The following MTMR10 variants were observed in gnomAD, a reference collection of about 807,000 sequenced individuals.
The protein encoded by MTMR10 is myotubularin related protein 10.
A neutral mutation model predicts 88.1 loss-of-function variants in MTMR10; 56 were observed. The ratio of observed to expected loss-of-function variants is 0.64; its 90% CI spans 0.51 to 0.79. The LOEUF (loss-of-function observed/expected upper bound fraction) is 0.79. Ranked by LOEUF, MTMR10 falls within the 30% of genes least tolerant of loss-of-function variation. The pLI is 0.00. For missense variants in MTMR10, 883 were observed against 924.7 expected, an observed-to-expected ratio of 0.95 and a Z score of 0.58; for synonymous variants, 380 against 340.9, an observed-to-expected ratio of 1.11 and a Z score of -1.26.
intron 6 of MTMR10, among the ~76,000 whole-genome samples, chr15:30,966,541 C>A (rs1045420503): frequency 6.6e-6 from 1 of 152,136 alleles, no homozygotes; most frequent in Non-Finnish European, 1.5e-5. Context: ...CTCCTACAAC[C>A]CTTGCAACTC....
chr15:30,943,804 C>T, intron 14 of MTMR10: 1 of 985,442 alleles, frequency 1.0e-6, no homozygotes, highest in Non-Finnish European at 1.2e-6. Flanking sequence ...CATGGAGCTC[C>T]TCTGGAAGGC....
the MTMR10 span, among the ~76,000 whole-genome samples, chr15:30,932,153 T>C: frequency 7.4e-6 from 1 of 135,878 alleles, no homozygotes; most frequent in African/African-American, 2.8e-5. Context: ...ACTCAGGAGG[T>C]GGAGCTTGCA....
chr15:30,951,815 T>G (rs746277342), intron 12 of MTMR10, among the ~76,000 whole-genome samples, 153 bp downstream of exon 12: 4 of 152,150 alleles, frequency 2.6e-5, no homozygotes, highest in Non-Finnish European at 4.4e-5. Context: ...ACTGTTTTAC[T>G]CAAATGATGT....
the MTMR10 span, among the ~76,000 whole-genome samples, chr15:30,919,074 T>C: frequency 3.3e-5 from 5 of 152,198 alleles, no homozygotes; most frequent in Non-Finnish European, 5.9e-5. Flanking sequence ...GGGAAAAGAA[T>C]ATGTTATTAA....
At chr15:30,966,217 T>C (rs1218561182) in intron 6 of MTMR10, among the ~76,000 whole-genome samples, 1 of 152,182 alleles carries the variant, frequency 6.6e-6, no homozygotes, top group Non-Finnish European at 1.5e-5. Context: ...ATAAGCTATA[T>C]AAGAAGAAAT....
the MTMR10 span, chr15:30,926,862 T>C: frequency 1.0e-6 from 1 of 985,384 alleles, no homozygotes. Flanking sequence ...TTAAAATCGA[T>C]GCCGTGAAAC....
the MTMR10 span, chr15:30,928,506 TTGTGTGTGTGTGTGTG>T: frequency 2.0e-6 from 3 of 1,484,518 alleles, no homozygotes; most frequent in African/African-American, 1.5e-5. Flanking sequence ...AAAACAGATT[TTGTGTGTGTGTGTGTG>T]TGTGTGTGTG....
chr15:30,953,747 C>G, intron 10 of MTMR10, 116 bp from the exon 11 acceptor site: 1 of 651,820 alleles, frequency 1.5e-6, no homozygotes, highest in African/African-American at 1.8e-5. Flanking sequence ...AAATATCATG[C>G]ATTTTCACTT....
intron 14 of MTMR10, among the ~76,000 whole-genome samples, chr15:30,945,549 A>T (rs376764080): frequency 1.3e-5 from 2 of 151,590 alleles, no homozygotes; most frequent in East Asian, 3.9e-4. Context: ...GCAGGCTCAC[A>T]CTGTGTGCGC....
At chr15:30,929,238 C>T in the MTMR10 span, 1 of 1,613,456 alleles carries the variant, frequency 6.2e-7, no homozygotes, top group Non-Finnish European at 8.5e-7. Flanking sequence ...ACAGCTTCTT[C>T]ACAAGCAGAC....
intron 6 of MTMR10, among the ~76,000 whole-genome samples, chr15:30,963,034 G>A (rs145088597): frequency 3.3e-5 from 5 of 152,230 alleles, no homozygotes; most frequent in African/African-American, 9.6e-5. Flanking sequence ...GAAGAGAGGC[G>A]GGAAATCAAA....
chr15:30,949,292 A>G (rs1479788281), intron 12 of MTMR10: 2 of 152,232 alleles, frequency 1.3e-5, no homozygotes, highest in Non-Finnish European at 2.9e-5. Flanking sequence ...CCCTAAGATC[A>G]GGAAGATGAT....
At chr15:30,923,699 G>A in the MTMR10 span, among the ~76,000 whole-genome samples, 2 of 152,220 alleles carry the variant, frequency 1.3e-5, no homozygotes, top group African/African-American at 2.4e-5. Context: ...ACCGTCTTCT[G>A]CCAGCGAACA....
At chr15:30,978,155 C>T (rs1334949208) in intron 2 of MTMR10, among the ~76,000 whole-genome samples, 3 of 152,166 alleles carry the variant, frequency 2.0e-5, no homozygotes, top group Non-Finnish European at 4.4e-5. Flanking sequence ...CTAGGGAATG[C>T]CTCTTTAAAA....
Position 30,940,578 on chromosome 15 carries a change from T to A in MTMR10, c.*892A>T. ...CCAGCACGCCTCCCAGCAAGCCTTG[T>A]TTGTTTTTGAGGGCGAGTTTTGGCA... On this transcript the variant is annotated 3_prime_UTR_variant, in exon 16 of 16. Transcript: ENST00000435680. The A allele has an allele frequency of 2.0e-6, 2 of 985,330 alleles. No individual in the cohort carries two copies. The highest frequency in any genetic ancestry group is 1.7e-5 in the African/African-American group (1 of 57,172). The allele number at this position is 985,330 out of a possible 1,614,324, so 61.0% of individuals were successfully genotyped here.
At chr15:30,924,988 A>T in the MTMR10 span, 1 of 831,002 alleles carries the variant, frequency 1.2e-6, no homozygotes, top group Non-Finnish European at 1.8e-6. Flanking sequence ...AAACAGCCTA[A>T]ATCTCTAGAA....
In MTMR10 at chr15:30,942,045, T is replaced by C. The variant is rs370720123; in HGVS notation, c.1759A>G (p.Met587Val). The C allele has an allele frequency of 8.1e-6, 13 of 1,613,880 alleles. No homozygotes were observed. The highest frequency in any genetic ancestry group is 1.1e-5 in the Non-Finnish European group (13 of 1,179,862). ...ATTCCATTCTTTAAGGCAGACGGCATTCCTCTTAGTGTGGAGCTGTAGCTT... is the reference window on the plus strand; with the variant it reads ...ATTCCATTCTTTAAGGCAGACGGCACTCCTCTTAGTGTGGAGCTGTAGCTT... Reference protein sequence around the residue: ...KKSYSSTLRGMPSALKNGIIS... With the variant: ...KKSYSSTLRGVPSALKNGIIS... The change falls in exon 16 of 16, where the codon ATG becomes GTG. Residue 587 changes from methionine (M) to valine (V), a missense_variant. Coordinates refer to ENST00000435680, the MANE Select transcript of MTMR10 (RefSeq NM_017762.3).
At chr15:30,983,449 A>G (rs763579341) in intron 2 of MTMR10, among the ~76,000 whole-genome samples, 2 of 152,236 alleles carry the variant, frequency 1.3e-5, no homozygotes, top group Non-Finnish European at 2.9e-5. Flanking sequence ...TGGCTAGGAA[A>G]GTTTTTAACT....
intron 2 of MTMR10, among the ~76,000 whole-genome samples, chr15:30,989,442 TATATA>T (rs1391069068): frequency 6.6e-6 from 1 of 152,202 alleles, no homozygotes; most frequent in South Asian, 2.1e-4. Context: ...ATTTTGTCCC[TATATA>T]ATATTTAAAA....
Sources: allele counts gnomAD v4.1 joint callset (sites outside exome capture counted in the v4.1 genomes callset), GRCh38; gene constraint gnomAD v4.1.1; transcripts MANE v1.5; gene names NCBI Gene and HGNC (gene_info 2026-07-23, HGNC 2026-07-21).